SKIC3: variants seen among roughly 807,000 people sequenced by gnomAD.
The protein encoded by SKIC3 is SKI3 subunit of superkiller complex, also known as superkiller complex protein 3.
the SKIC3 span, among the ~76,000 whole-genome samples, chr5:95,546,318 A>C: frequency 0.041 from 6,240 of 150,648 alleles, 190 homozygotes; most frequent in East Asian, 0.11. Context: ...CCTTACTAGC[A>C]AGTTTCTTTT....
At chr5:95,491,503 A>T in the SKIC3 span, among the ~76,000 whole-genome samples, 1 of 152,228 alleles carries the variant, frequency 6.6e-6, no homozygotes, top group African/African-American at 2.4e-5. Flanking sequence ...ATATTCTAAT[A>T]GGCAAGCAGA....
At chr5:95,539,438 TA>T in the SKIC3 span, among the ~76,000 whole-genome samples, 1 of 151,582 alleles carries the variant, frequency 6.6e-6, no homozygotes, top group Non-Finnish European at 1.5e-5. Flanking sequence ...AATCAAAAAA[TA>T]AAAAAAATAG....
the SKIC3 span, among the ~76,000 whole-genome samples, chr5:95,503,280 C>G: frequency 3.9e-5 from 6 of 152,234 alleles, no homozygotes; most frequent in Non-Finnish European, 8.8e-5. Context: ...TCTTTACGAG[C>G]CAATTTGGGT....
chr5:95,543,078 G>A, the SKIC3 span: 651 of 1,348,534 alleles, frequency 4.8e-4, 7 homozygotes, highest in African/African-American at 8.8e-3. Flanking sequence ...TTCTTACATG[G>A]GGCAAATGTA....
the SKIC3 span, among the ~76,000 whole-genome samples, chr5:95,512,301 T>G: frequency 3.3e-5 from 5 of 152,350 alleles, no homozygotes; most frequent in East Asian, 3.9e-4. Flanking sequence ...TTATCTTTCT[T>G]CAAAAGCCTT....
At chr5:95,483,175 A>C in the SKIC3 span, among the ~76,000 whole-genome samples, 1 of 152,072 alleles carries the variant, frequency 6.6e-6, no homozygotes, top group Non-Finnish European at 1.5e-5. Context: ...TAAAATACTT[A>C]CCTACATACA....
At chr5:95,547,065 C>T in the SKIC3 span, 1 of 1,612,804 alleles carries the variant, frequency 6.2e-7, no homozygotes, top group Admixed American at 1.7e-5. Flanking sequence ...GGTTACCTTA[C>T]AGTGTTTCAA....
At chr5:95,526,460 T>C in the SKIC3 span, among the ~76,000 whole-genome samples, 1 of 151,624 alleles carries the variant, frequency 6.6e-6, no homozygotes, top group East Asian at 1.9e-4. Context: ...CTTGGTTGTG[T>C]CTGACTGTCT....
At chr5:95,523,127 G>A in the SKIC3 span, 9 of 1,578,932 alleles carry the variant, frequency 5.7e-6, no homozygotes, top group East Asian at 2.0e-4. Flanking sequence ...AACCTGGTAA[G>A]AGACAATTAA....
the SKIC3 span, among the ~76,000 whole-genome samples, chr5:95,488,046 A>G: frequency 6.6e-6 from 1 of 152,082 alleles, no homozygotes. Flanking sequence ...TGAAATACAA[A>G]ATATATCTGA....
chr5:95,463,925 A>C, the SKIC3 span: 3 of 152,362 alleles, frequency 2.0e-5, no homozygotes, highest in South Asian at 6.2e-4. Flanking sequence ...CAGAAAGTTC[A>C]AGTCTTTCCA....
the SKIC3 span, among the ~76,000 whole-genome samples, chr5:95,542,312 T>A: frequency 6.6e-6 from 1 of 152,202 alleles, no homozygotes; most frequent in Non-Finnish European, 1.5e-5. Flanking sequence ...ATAAAAATTG[T>A]ATGTTTTTAA....
the SKIC3 span, chr5:95,528,957 G>C: frequency 7.3e-6 from 11 of 1,506,168 alleles, no homozygotes; most frequent in African/African-American, 8.3e-5. Context: ...AAACAAATAG[G>C]GTTGGTCACC....
At chr5:95,516,597 C>A in the SKIC3 span, 2 of 1,613,122 alleles carry the variant, frequency 1.2e-6, no homozygotes, top group Non-Finnish European at 1.7e-6. Context: ...CTGAAAAATA[C>A]AAAACCTGAT....
chr5:95,478,837 C>T, the SKIC3 span, among the ~76,000 whole-genome samples: 1 of 152,036 alleles, frequency 6.6e-6, no homozygotes, highest in Non-Finnish European at 1.5e-5. Context: ...AGAAAAAACT[C>T]TCTTAGCATA....
the SKIC3 span, among the ~76,000 whole-genome samples, chr5:95,472,813 G>A: frequency 2.0e-5 from 3 of 152,108 alleles, no homozygotes; most frequent in Admixed American, 6.5e-5. Flanking sequence ...TTATGTTCAC[G>A]TGTGCTCAAT....
At chr5:95,500,935 AAAC>A in the SKIC3 span, among the ~76,000 whole-genome samples, 1 of 152,292 alleles carries the variant, frequency 6.6e-6, no homozygotes, top group Admixed American at 6.5e-5. Flanking sequence ...TCATTTTGAC[AAAC>A]AAGTATCAAA....
the SKIC3 span, among the ~76,000 whole-genome samples, chr5:95,518,462 C>T: frequency 6.6e-6 from 1 of 151,990 alleles, no homozygotes; most frequent in African/African-American, 2.4e-5. Flanking sequence ...TATCCTTTCC[C>T]CCTACCCTTC....
chr5:95,513,767 A>G, the SKIC3 span: 2 of 844,754 alleles, frequency 2.4e-6, no homozygotes, highest in Non-Finnish European at 3.9e-6. Flanking sequence ...AAGTTAACCT[A>G]AGTTTTTCAC....
Sources: gnomAD v4.1 joint callset for allele counts (sites outside exome capture counted in the v4.1 genomes callset) on GRCh38, gnomAD v4.1.1 for gene constraint, MANE v1.5 for transcripts, NCBI Gene and HGNC (gene_info 2026-07-23, HGNC 2026-07-21) for gene names.